Variants in SHLD1 observed in about 807,000 individuals in gnomAD.
SHLD1 encodes shieldin complex subunit 1.
In SHLD1, 3 loss-of-function variants were observed where a neutral mutation model predicts 5.5. The ratio of observed to expected loss-of-function variants is 0.54; its 90% CI spans 0.25 to 1.40. The LOEUF (loss-of-function observed/expected upper bound fraction) is 1.40. SHLD1 is among the 40% of genes most tolerant of loss of function. SHLD1 has a pLI of 0.15. For synonymous variants in SHLD1, 92 were observed against 94.3 expected (o/e 0.98, Z 0.14); for missense variants, 210 against 244.4 (o/e 0.86, Z 0.94).
At chr20:5,778,192 C>G (rs1985524592) in intron 2 of SHLD1, among the ~76,000 whole-genome samples, 1 of 148,876 alleles carries the variant, frequency 6.7e-6, no homozygotes, top group South Asian at 2.1e-4. Flanking sequence ...TCTCGGCTCA[C>G]TGCAAGCTCC....
At chr20:5,824,171 TG>T (rs1388513192) in intron 2 of SHLD1, among the ~76,000 whole-genome samples, 1 of 152,214 alleles carries the variant, frequency 6.6e-6, no homozygotes, top group East Asian at 1.9e-4. Flanking sequence ...GCCTTCTTTC[TG>T]GTCTTCACAC....
At chr20:5,816,089 G>GAAAAAAAAAAAA (rs141881349) in intron 2 of SHLD1, among the ~76,000 whole-genome samples, 38 of 86,008 alleles carry the variant, frequency 4.4e-4, no homozygotes, top group Non-Finnish European at 6.0e-4. Context: ...TCAAAAAAAC[G>GAAAAAAAAAAAA]AAAAAAAAAA....
intron 2 of SHLD1, among the ~76,000 whole-genome samples, chr20:5,858,930 C>T (rs1212272108): frequency 6.6e-6 from 1 of 152,160 alleles, no homozygotes; most frequent in African/African-American, 2.4e-5. Context: ...TGATATCAAG[C>T]CCTGCCCTCC....
chr20:5,761,401 A>G (rs1447730268), intron 1 of SHLD1, among the ~76,000 whole-genome samples: 3 of 151,674 alleles, frequency 2.0e-5, no homozygotes, highest in Non-Finnish European at 4.4e-5. Flanking sequence ...CTGCACATGT[A>G]TCCCAGGACT....
intron 1 of SHLD1, among the ~76,000 whole-genome samples, chr20:5,751,974 T>C (rs1180345617): frequency 6.6e-6 from 1 of 152,206 alleles, no homozygotes; most frequent in Non-Finnish European, 1.5e-5. Context: ...AGTTAAGCTT[T>C]GTCTAAAGAC....
intron 2 of SHLD1, among the ~76,000 whole-genome samples, chr20:5,837,142 C>G (rs1276850938): frequency 6.6e-6 from 1 of 152,098 alleles, no homozygotes; most frequent in Non-Finnish European, 1.5e-5. Flanking sequence ...GAGGAGCTAT[C>G]GCAACAGGCT....
At chr20:5,862,950 A>G (rs2088181602) in intron 2 of SHLD1, 74 bp from the exon 3 acceptor site, 2 of 1,305,788 alleles carry the variant, frequency 1.5e-6, no homozygotes, top group African/African-American at 3.0e-5. Flanking sequence ...GAAAATAGAC[A>G]TCATCTGCTC....
intron 2 of SHLD1, among the ~76,000 whole-genome samples, chr20:5,798,395 C>T (rs1035792198): frequency 6.6e-6 from 1 of 151,780 alleles, no homozygotes; most frequent in African/African-American, 2.4e-5. Context: ...CTCCGCCTCC[C>T]GGGTTCACAC....
chr20:5,808,549 GCT>G (rs568405299), intron 2 of SHLD1, among the ~76,000 whole-genome samples: 343 of 152,214 alleles, frequency 2.3e-3, no homozygotes, highest in Non-Finnish European at 3.8e-3. Flanking sequence ...GGTACATGTA[GCT>G]CTCTCATATT....
intron 1 of SHLD1, among the ~76,000 whole-genome samples, chr20:5,755,699 ACAGG>A (rs1160007783): frequency 6.6e-6 from 1 of 151,552 alleles, no homozygotes; most frequent in Non-Finnish European, 1.5e-5. Context: ...AGCTGGGATT[ACAGG>A]CACGCACCAC....
chr20:5,853,825 C>G (rs2088043957), intron 2 of SHLD1, among the ~76,000 whole-genome samples: 1 of 151,550 alleles, frequency 6.6e-6, no homozygotes, highest in South Asian at 2.1e-4. Context: ...TTCATAATAG[C>G]AGAGTCTCCA....
Position 5,839,537 on chromosome 20 carries a change from C to T in SHLD1, c.179-23487C>T, listed in dbSNP as rs188268710. On this transcript the variant is annotated intron_variant, in intron 2 of 2. Transcript: ENST00000303142. The stretch of plus-strand genomic sequence containing the variant: ...GATAGATAGATAGATGATAGATAGA[C>T]AGATAGACAGAAAAGCAGACCAAAG... 3.1e-3 allele frequency among the ~76,000 whole-genome samples: 401 copies of T among 130,906 alleles called. 3 individuals carry two copies. Among genetic ancestry groups the T allele is most frequent in the South Asian group, 9.5e-3 (38 of 3,992 alleles). The allele number at this position is 130,906 out of a possible 152,430, so 85.9% of individuals were successfully genotyped here.
chr20:5,814,500 T>A (rs2087502006), intron 2 of SHLD1, among the ~76,000 whole-genome samples: 1 of 152,178 alleles, frequency 6.6e-6, no homozygotes, highest in Non-Finnish European at 1.5e-5. Flanking sequence ...GCACAGTCCC[T>A]ATAGAATTGA....
intron 2 of SHLD1, among the ~76,000 whole-genome samples, chr20:5,789,130 A>G (rs2087102518): frequency 1.3e-5 from 2 of 151,984 alleles, no homozygotes; most frequent in African/African-American, 4.8e-5. Flanking sequence ...AGACTGTCTC[A>G]AAAACAAAAA....
intron 1 of SHLD1, among the ~76,000 whole-genome samples, chr20:5,753,876 A>T (rs1427386569): frequency 6.6e-6 from 1 of 151,876 alleles, no homozygotes; most frequent in East Asian, 1.9e-4. Context: ...TCCGTTCGGA[A>T]CCCCCCTCCC....
At position 5,827,166 on chromosome 20, in the gene SHLD1, G is replaced by T. The variant is rs541344021; in HGVS notation, c.179-35858G>T. 1.9e-4 allele frequency among the ~76,000 whole-genome samples: 29 copies of T among 152,354 alleles called. No individual in the cohort carries two copies. In the South Asian group the frequency reaches 2.7e-3, roughly 14 times the overall value. Reference sequence around the variant, plus strand: ...CCACAGGGAAAGCACAGAGCCTGGGGCCCGCCACCATGAGAGCGTGTGCTC... The same window carrying T: ...CCACAGGGAAAGCACAGAGCCTGGGTCCCGCCACCATGAGAGCGTGTGCTC... On this transcript the variant is annotated intron_variant, in intron 2 of 2. Transcript: ENST00000303142.
At chr20:5,822,598 T>C (rs1472741081) in intron 2 of SHLD1, among the ~76,000 whole-genome samples, 1 of 152,078 alleles carries the variant, frequency 6.6e-6, no homozygotes, top group African/African-American at 2.4e-5. Flanking sequence ...TGGTTCCTTA[T>C]CGTACCTGAG....
chr20:5,785,418 C>T (rs1423032614), intron 2 of SHLD1, among the ~76,000 whole-genome samples: 1 of 152,170 alleles, frequency 6.6e-6, no homozygotes, highest in Non-Finnish European at 1.5e-5. Flanking sequence ...AAATCTGAGA[C>T]TCAAACCTGG....
chr20:5,799,341 C>T (rs535286488), intron 2 of SHLD1, among the ~76,000 whole-genome samples: 1 of 151,982 alleles, frequency 6.6e-6, no homozygotes, highest in African/African-American at 2.4e-5. Context: ...CACTTTGTCC[C>T]TGAGGCTGTA....
Sources: gnomAD v4.1 joint callset for allele counts (sites outside exome capture counted in the v4.1 genomes callset) on GRCh38, gnomAD v4.1.1 for gene constraint, MANE v1.5 for transcripts, NCBI Gene and HGNC (gene_info 2026-07-23, HGNC 2026-07-21) for gene names.